Variants in RBMS3 observed in about 807,000 individuals in gnomAD.
The protein encoded by RBMS3 is RNA-binding motif, single-stranded-interacting protein 3.
A neutral mutation model predicts 66.8 loss-of-function variants in RBMS3; 27 were observed. The observed-to-expected ratio is 0.40, with a 90% CI of 0.30 to 0.56. RBMS3 has a LOEUF of 0.56. RBMS3 is among the 20% of genes least tolerant of loss of function. The pLI, the probability that RBMS3 is intolerant of heterozygous loss-of-function variation, is 0.40. For synonymous variants in RBMS3, 188 were observed against 183.0 expected, an observed-to-expected ratio of 1.03 and a Z score of -0.22; for missense variants, 513 against 549.5, an observed-to-expected ratio of 0.93 and a Z score of 0.66.
intron 2 of RBMS3, among the ~76,000 whole-genome samples, chr3:29,464,342 G>C (rs993659416): frequency 5.9e-5 from 9 of 152,136 alleles, no homozygotes; most frequent in Non-Finnish European, 1.0e-4. Context: ...AGGGTGTTTA[G>C]TTTGGTTCAA....
At chr3:29,439,766 T>C (rs2125735887) in intron 2 of RBMS3, among the ~76,000 whole-genome samples, 1 of 152,254 alleles carries the variant, frequency 6.6e-6, no homozygotes, top group East Asian at 1.9e-4. Context: ...CCCTTTTTCT[T>C]ACCCAGTCTT....
At chr3:29,568,424 T>C (rs756500708) in intron 3 of RBMS3, among the ~76,000 whole-genome samples, 3 of 152,216 alleles carry the variant, frequency 2.0e-5, no homozygotes, top group Non-Finnish European at 4.4e-5. Flanking sequence ...TGGTTTCTCT[T>C]AGAATGTATT....
In RBMS3 at chr3:29,839,185, A is replaced by T. The variant is rs184440950; in HGVS notation, c.638-29673A>T. Reference sequence around the variant, plus strand: ...TATTTTAACTGGCCCCTGATGCTGAAATGCACAGATTGTTTTCTTCCTGTG... The same window carrying T: ...TATTTTAACTGGCCCCTGATGCTGATATGCACAGATTGTTTTCTTCCTGTG... On this transcript the variant is annotated intron_variant, in intron 6 of 14. Transcript: ENST00000383767. Among the ~76,000 whole-genome samples, 129 of 152,288 alleles carry T rather than the reference A, an allele frequency of 8.5e-4. 1 individual carries two copies. The highest frequency in any genetic ancestry group is 1.2e-3 in the Non-Finnish European group (79 of 68,020).
At chr3:29,995,982 C>A (rs1219956263) in intron 14 of RBMS3, among the ~76,000 whole-genome samples, 14 of 152,046 alleles carry the variant, frequency 9.2e-5, no homozygotes, top group Non-Finnish European at 1.2e-4. Context: ...CAAATTGGAT[C>A]AAGAGTCAAG....
intron 12 of RBMS3, among the ~76,000 whole-genome samples, chr3:29,952,888 A>G (rs889776806): frequency 2.0e-5 from 3 of 151,898 alleles, no homozygotes; most frequent in Non-Finnish European, 4.4e-5. Flanking sequence ...AATTTTATTC[A>G]TAATTGAGCA....
chr3:29,966,094 A>AT (rs1696830075), intron 12 of RBMS3, among the ~76,000 whole-genome samples: 1 of 152,090 alleles, frequency 6.6e-6, no homozygotes, highest in African/African-American at 2.4e-5. Flanking sequence ...CTATGTGCCT[A>AT]TTTTTATATC....
intron 6 of RBMS3, among the ~76,000 whole-genome samples, chr3:29,805,597 A>G (rs1339679501): frequency 6.6e-6 from 1 of 151,936 alleles, no homozygotes; most frequent in African/African-American, 2.4e-5. Flanking sequence ...GGCCTAGGGT[A>G]ATATGCATAT....
intron 1 of RBMS3, among the ~76,000 whole-genome samples, chr3:29,399,799 A>G (rs1172243814): frequency 2.0e-5 from 3 of 152,206 alleles, no homozygotes; most frequent in Non-Finnish European, 4.4e-5. Flanking sequence ...TCCTAGCTAA[A>G]GCACTGATAG....
chr3:29,821,996 A>AT, intron 6 of RBMS3, among the ~76,000 whole-genome samples: 1 of 152,150 alleles, frequency 6.6e-6, no homozygotes, highest in Admixed American at 6.6e-5. Context: ...AGGGAGCATT[A>AT]TTTTTTCATC....
At chr3:29,485,034 C>T (rs1355711733) in intron 2 of RBMS3, among the ~76,000 whole-genome samples, 1 of 152,080 alleles carries the variant, frequency 6.6e-6, no homozygotes, top group African/African-American at 2.4e-5. Context: ...ATTGAAGGAT[C>T]CCACCAATTT....
rs542845953 is a variant in RBMS3, at chr3:29,422,025, TTTA to T, written c.76-12715_76-12713del. On this transcript the variant is annotated intron_variant, in intron 1 of 14. Transcript: ENST00000383767. ...ATATATAGAATGCTGTGTGCCAGGTTTTATTCTCAGTGCTTTACACACAATCAC... is the reference window on the plus strand; with the variant it reads ...ATATATAGAATGCTGTGTGCCAGGTTTTCTCAGTGCTTTACACACAATCAC... Among the ~76,000 whole-genome samples, 5 of 152,328 alleles carry T rather than the reference TTTA, an allele frequency of 3.3e-5. No individual in the cohort carries two copies. In the South Asian group the frequency reaches 1.0e-3, roughly 32 times the overall value.
At chr3:29,575,125 ATCT>A (rs1159005374) in intron 3 of RBMS3, among the ~76,000 whole-genome samples, 2 of 152,190 alleles carry the variant, frequency 1.3e-5, no homozygotes, top group Non-Finnish European at 2.9e-5. Context: ...GCTCACTAAC[ATCT>A]TCTTCTTTCA....
intron 1 of RBMS3, among the ~76,000 whole-genome samples, chr3:29,388,688 C>T (rs1375651342): frequency 6.6e-6 from 1 of 152,202 alleles, no homozygotes; most frequent in South Asian, 2.1e-4. Context: ...GCCTCAGCCT[C>T]CCGAGTAGCT....
Position 29,578,790 on chromosome 3 carries a change from C to CTTTTTTTTTTTTTTTTT in RBMS3, c.308-8318_308-8302dup, listed in dbSNP as rs1185861167. ...AAAGAATCACAGGTAATACATGCTT[C>CTTTTTTTTTTTTTTTTT]TTTTTTTTTTTTTTTTTTTTTTGAG... On this transcript the variant is annotated intron_variant, in intron 3 of 14. Coordinates refer to ENST00000383767, the MANE Select transcript of RBMS3 (RefSeq NM_001003793.3). Among the ~76,000 whole-genome samples the CTTTTTTTTTTTTTTTTT allele has an allele frequency of 2.1e-3, 212 of 101,040 alleles. 10 individuals carry two copies. Among genetic ancestry groups the CTTTTTTTTTTTTTTTTT allele is most frequent in the Middle Eastern group, 5.4e-3 (1 of 184 alleles). 66.3% of individuals were successfully genotyped at this position (101,040 alleles called of 152,430 possible).
chr3:29,689,477 T>C (rs1165929280), intron 4 of RBMS3, among the ~76,000 whole-genome samples: 2 of 152,188 alleles, frequency 1.3e-5, no homozygotes, highest in Non-Finnish European at 2.9e-5. Flanking sequence ...GCAGTAGATA[T>C]TCTCAGGAGT....
chr3:29,442,170 TC>T (rs1430438337), intron 2 of RBMS3, among the ~76,000 whole-genome samples: 1 of 152,172 alleles, frequency 6.6e-6, no homozygotes, highest in Admixed American at 6.5e-5. Context: ...AAGAAACTCT[TC>T]CTATTTTGAC....
At chr3:29,955,568 A>C (rs1039547955) in intron 12 of RBMS3, among the ~76,000 whole-genome samples, 1 of 152,038 alleles carries the variant, frequency 6.6e-6, no homozygotes, top group Admixed American at 6.6e-5. Context: ...ACTGCATTCC[A>C]CTGGACCCGT....
At chr3:29,338,394 A>G (rs2036077811) in intron 1 of RBMS3, among the ~76,000 whole-genome samples, 1 of 152,166 alleles carries the variant, frequency 6.6e-6, no homozygotes, top group Non-Finnish European at 1.5e-5. Flanking sequence ...GCCCAACAAT[A>G]TGGTCTTTGT....
intron 6 of RBMS3, among the ~76,000 whole-genome samples, chr3:29,827,411 T>C (rs1373536729): frequency 6.6e-6 from 1 of 152,184 alleles, no homozygotes; most frequent in Non-Finnish European, 1.5e-5. Flanking sequence ...TTGTGAAAAT[T>C]ATCGCCTTGT....
Sources: allele counts gnomAD v4.1 joint callset (sites outside exome capture counted in the v4.1 genomes callset), GRCh38; gene constraint gnomAD v4.1.1; transcripts MANE v1.5; gene names NCBI Gene and HGNC (gene_info 2026-07-23, HGNC 2026-07-21).